Variants in SON observed in about 807,000 individuals in gnomAD.
The protein encoded by SON is protein SON.
In SON, 4 loss-of-function variants were observed where a neutral mutation model predicts 173.3. That is an observed-to-expected ratio of 0.02 (90% CI 0.01 to 0.05). The LOEUF is 0.05. Among genes scored for constraint, SON ranks in the 10% least tolerant of loss-of-function variants. The pLI is 1.00. For synonymous variants in SON, 1,190 were observed against 1,105.9 expected, an observed-to-expected ratio of 1.08 and a Z score of -1.51; for missense variants, 2,626 against 3,055.3, an observed-to-expected ratio of 0.86 and a Z score of 3.31.
rs13049681 is a variant in SON at position 33,568,161 on chromosome 21, T to C, written c.6769-810T>C. On this transcript the variant is annotated intron_variant, in intron 7 of 11. Transcript: ENST00000356577. ...GACAGCTGATCTTTATCACAACAAA[T>C]GTTGGTGACTGAAAAAAAGTATACA... Among the ~76,000 whole-genome samples, 59 of 152,186 alleles carry C rather than the reference T, an allele frequency of 3.9e-4. 1 individual carries two copies. Among genetic ancestry groups the C allele is most frequent in the Non-Finnish European group, 4.6e-4 (31 of 68,028 alleles).
chr21:33,543,907 T>A (rs1268956405), intron 1 of SON, among the ~76,000 whole-genome samples: 2 of 152,236 alleles, frequency 1.3e-5, no homozygotes, highest in African/African-American at 4.8e-5. Context: ...ATTTTTGTCA[T>A]TGCTGGTAGA....
intron 3 of SON, 73 bp downstream of exon 3, chr21:33,555,464 T>G (rs2085948942): frequency 2.3e-6 from 3 of 1,332,358 alleles, no homozygotes; most frequent in Non-Finnish European, 2.0e-6. Flanking sequence ...TGACCTTGAG[T>G]CAAGTGAAAT....
chr21:33,545,089 T>C (rs1601251014), intron 1 of SON, among the ~76,000 whole-genome samples: 1 of 152,186 alleles, frequency 6.6e-6, no homozygotes, highest in Non-Finnish European at 1.5e-5. Flanking sequence ...ATCGAACTTC[T>C]GTTATAGATG....
intron 2 of SON, among the ~76,000 whole-genome samples, chr21:33,547,517 T>G (rs992308713): frequency 3.9e-5 from 6 of 152,112 alleles, no homozygotes; most frequent in Non-Finnish European, 7.4e-5. Flanking sequence ...TTGTCCTCTT[T>G]TTTGGGGGGA....
At chr21:33,555,930 TAAA>T (rs1358671393) in intron 3 of SON, among the ~76,000 whole-genome samples, 1 of 152,204 alleles carries the variant, frequency 6.6e-6, no homozygotes, top group Non-Finnish European at 1.5e-5. Context: ...TGATACTAGC[TAAA>T]TAAAGTTAAA....
intron 8 of SON, among the ~76,000 whole-genome samples, chr21:33,571,097 TTTTGATAAATTATGAGATA>T (rs2086274774): frequency 6.6e-6 from 1 of 152,152 alleles, no homozygotes; most frequent in African/African-American, 2.4e-5. Context: ...AAGCAAATTA[TTTTGATAAATTATGAGATA>T]AAGATATGTT....
Position 33,550,010 on chromosome 21 carries a change from C to T in SON, c.779C>T (p.Ser260Phe). 6.2e-7 allele frequency: 1 copy of T among 1,614,166 alleles called. No homozygotes were observed. The highest frequency in any genetic ancestry group is 1.3e-5 in the African/African-American group (1 of 75,068). The change falls in exon 3 of 12, where the codon TCT (serine) becomes TTT (phenylalanine). Residue 260 changes from serine (S) to phenylalanine (F), a missense_variant. Physicochemically the swap from Ser to Phe is radical, Grantham distance 155. Around this residue, in one of 13 missense-constraint regions of SON, gnomAD observed 757 missense variants for 730.1 expected, o/e 1.04. Coordinates refer to ENST00000356577, the MANE Select transcript of SON (RefSeq NM_138927.4). The part of the protein sequence containing the change: ...VPTTTLVLKS[S>F]EPVVTMSVEY... ...ACTACAACACTGGTGTTGAAGTCAT[C>T]TGAGCCAGTTGTAACAATGTCAGTG...
Position 33,549,999 on chromosome 21 carries a change from G to T in SON, c.768G>T (p.Val256=), listed in dbSNP as rs1255494869. The T allele has an allele frequency of 6.2e-7, 1 of 1,614,160 alleles. No individual in the cohort carries two copies. Among genetic ancestry groups the T allele is most frequent in the Non-Finnish European group, 8.5e-7 (1 of 1,180,034 alleles). The change falls in exon 3 of 12, where the codon GTG becomes GTT. Residue 256 remains valine, a synonymous_variant. Transcript: ENST00000356577. The part of the protein sequence containing the change: ...AAAPVPTTTL[V]LKSSEPVVTM... Reference sequence around the variant, plus strand: ...CACCAGTGCCTACTACAACACTGGTGTTGAAGTCATCTGAGCCAGTTGTAA... The same window carrying T: ...CACCAGTGCCTACTACAACACTGGTTTTGAAGTCATCTGAGCCAGTTGTAA...
In SON at chr21:33,559,198, G is replaced by A; in HGVS notation, c.6322-32G>A. ...ATTACATGTTCTACATAAAGCGTAA[G>A]ATTTATCTTTTGTTTGTTTTTACTT... On this transcript the variant is annotated intron_variant, in intron 4 of 11. Transcript: ENST00000356577. The surrounding 1 kb of genome is among the most constrained non-coding windows in gnomAD (Gnocchi z 4.1). 1 of 1,495,382 alleles carries A rather than the reference G, an allele frequency of 6.7e-7. No homozygotes were observed. Among genetic ancestry groups the A allele is most frequent in the Non-Finnish European group, 9.0e-7 (1 of 1,115,026 alleles). 92.6% of individuals were successfully genotyped at this position (1,495,382 alleles called of 1,614,324 possible). A position where few individuals can be genotyped will look rare whatever the true frequency, so the allele number is the denominator to read the frequency against.
chr21:33,557,813 T>G, intron 4 of SON: 1 of 868,246 alleles, frequency 1.2e-6, no homozygotes, highest in Non-Finnish European at 1.6e-6. Flanking sequence ...GGCTGTTTGG[T>G]ACCAGCCATT....
intron 9 of SON, among the ~76,000 whole-genome samples, chr21:33,574,204 A>G (rs1172745118): frequency 6.6e-6 from 1 of 152,234 alleles, no homozygotes; most frequent in Admixed American, 6.5e-5. Context: ...GCTCAGTATG[A>G]TTTTTGTATA....
At chr21:33,563,674 G>A (rs1369094974) in intron 6 of SON, among the ~76,000 whole-genome samples, 2 of 152,030 alleles carry the variant, frequency 1.3e-5, no homozygotes, top group Non-Finnish European at 2.9e-5. Flanking sequence ...TATGTCAACA[G>A]TTGTGTTAAC....
rs1322610316 is a variant in SON at position 33,549,490 on chromosome 21, T to C, written c.259T>C (p.Ser87Pro). 1 of 1,533,056 alleles carries C rather than the reference T, an allele frequency of 6.5e-7. No individual in the cohort carries two copies. The highest frequency in any genetic ancestry group is 8.7e-7 in the Non-Finnish European group (1 of 1,147,592). 95.0% of individuals were successfully genotyped at this position (1,533,056 alleles called of 1,614,324 possible). A position where few individuals can be genotyped will look rare whatever the true frequency, so the allele number is the denominator to read the frequency against. Residue 87 changes from serine (S) to proline (P), a missense_variant, in exon 3 of 12, where the codon TCC (serine) becomes CCC (proline). Coordinates refer to ENST00000356577, the MANE Select transcript of SON (RefSeq NM_138927.4). ...ATTACTTTTAGACTTGAAAGAGGGC[T>C]CCAGAAAAAGTAGATGCGTATCTGT... ...LRYKPDLKEG[S>P]RKSRCVSVQT...
chr21:33,548,297 T>TA (rs1468146371), intron 2 of SON, among the ~76,000 whole-genome samples: 1 of 151,570 alleles, frequency 6.6e-6, no homozygotes, highest in Non-Finnish European at 1.5e-5. Context: ...GGGAAAATGT[T>TA]ATCTCTTTAG....
At chr21:33,570,972 T>C (rs1335509653) in intron 8 of SON, among the ~76,000 whole-genome samples, 2 of 150,656 alleles carry the variant, frequency 1.3e-5, no homozygotes, top group Non-Finnish European at 3.0e-5. Flanking sequence ...TAAAATAATT[T>C]CTTCTGGTAT....
In SON at chr21:33,576,520, G is replaced by A. The variant is rs755909685; in HGVS notation, c.*96G>A. The A allele has an allele frequency of 4.9e-6, 4 of 821,680 alleles. No homozygotes were observed. Among genetic ancestry groups the A allele is most frequent in the African/African-American group, 1.7e-5 (1 of 59,982 alleles). 50.9% of individuals were successfully genotyped at this position (821,680 alleles called of 1,614,324 possible). A position where few individuals can be genotyped will look rare whatever the true frequency, so the allele number is the denominator to read the frequency against. ...TGTGGTTCTTCAAGCAATGGGCCTT[G>A]TACCAAAGGACCTCATGGCTAATGC... On this transcript the variant is annotated 3_prime_UTR_variant, in exon 12 of 12. Transcript: ENST00000356577.
In SON at chr21:33,559,867, CTCT is replaced by C. The variant is rs763088524; in HGVS notation, c.6657+97_6657+99del. ...TATGTCTGATTTGGATTCTGTTTCACTCTTCTTAGGGCCGGGTTAAACGGCAGG... is the reference window on the plus strand; with the variant it reads ...TATGTCTGATTTGGATTCTGTTTCACTCTTAGGGCCGGGTTAAACGGCAGG... On this transcript the variant is annotated intron_variant, in intron 6 of 11. Transcript: ENST00000356577. The surrounding 1 kb of genome is among the most constrained non-coding windows in gnomAD (Gnocchi z 4.1). 6.2e-7 allele frequency: 1 copy of C among 1,603,004 alleles called. No homozygotes were observed. Among genetic ancestry groups the C allele is most frequent in the South Asian group, 1.1e-5 (1 of 90,154 alleles).
intron 1 of SON, among the ~76,000 whole-genome samples, chr21:33,543,686 C>T (rs761527811): frequency 1.3e-5 from 2 of 152,200 alleles, no homozygotes; most frequent in Non-Finnish European, 2.9e-5. Context: ...TTATTCGGGG[C>T]CTAGTGTCCT....
At chr21:33,569,566 G>A (rs1438589655) in intron 8 of SON, 8 of 441,900 alleles carry the variant, frequency 1.8e-5, no homozygotes, top group African/African-American at 6.3e-5. Context: ...CACCCCACCC[G>A]CTTCATTAGT....
Sources: gnomAD v4.1 joint callset for allele counts (sites outside exome capture counted in the v4.1 genomes callset) on GRCh38, gnomAD v4.1.1 for gene constraint, gnomAD v4.1.1 regional missense constraint, Gnocchi (gnomAD v3.1) non-coding constraint, MANE v1.5 for transcripts, NCBI Gene and HGNC (gene_info 2026-07-23, HGNC 2026-07-21) for gene names.